The following DYM variants were observed in gnomAD, a reference collection of about 807,000 sequenced individuals.
DYM encodes dymeclin.
A neutral mutation model predicts 93.1 loss-of-function variants in DYM; 78 were observed. That is an observed-to-expected ratio of 0.84 (90% CI 0.70 to 1.01). DYM has a LOEUF of 1.01. Among genes scored for constraint, DYM ranks in the 50% least tolerant of loss-of-function variants. The pLI, the probability that DYM is intolerant of heterozygous loss-of-function variation, is 0.00. For missense variants in DYM, 789 were observed against 845.0 expected, an observed-to-expected ratio of 0.93 and a Z score of 0.82; for synonymous variants, 321 against 319.7, an observed-to-expected ratio of 1.00 and a Z score of -0.04.
chr18:49,321,064 C>T lies in DYM; in HGVS notation c.763+10800G>A, dbSNP rs1031990757. On this transcript the variant is annotated intron_variant, in intron 8 of 17. Coordinates refer to ENST00000675505, the MANE Select transcript of DYM (RefSeq NM_001353214.3). ...TGACTGGGATATAATTTAACAGTTT[C>T]AAAGCAAATAAGTTTTAACCACTTC... The T allele has an allele frequency of 4.8e-5, 12 of 251,982 alleles. No homozygotes were observed. The East Asian group carries it at 8.4e-4, about 18-fold the overall frequency. 15.6% of individuals were successfully genotyped at this position (251,982 alleles called of 1,614,324 possible).
intron 15 of DYM, among the ~76,000 whole-genome samples, chr18:49,131,873 A>G (rs918361814): frequency 3.3e-5 from 5 of 152,208 alleles, no homozygotes; most frequent in Non-Finnish European, 7.3e-5. Flanking sequence ...AGGACATACC[A>G]GAATGTGAAA....
chr18:49,443,944 T>C (rs2081890617), intron 1 of DYM, among the ~76,000 whole-genome samples: 1 of 152,200 alleles, frequency 6.6e-6, no homozygotes, highest in African/African-American at 2.4e-5. Context: ...ACAGTATGTA[T>C]GAAACAATTA....
At chr18:49,069,660 A>G (rs117380315) in intron 17 of DYM, among the ~76,000 whole-genome samples, 1 of 152,276 alleles carries the variant, frequency 6.6e-6, no homozygotes, top group Non-Finnish European at 1.5e-5. Context: ...GATTTTCATA[A>G]CTGTTAGTGT....
At chr18:49,292,591 GGAAAAAAAAAAA>G (rs2060215011) in intron 8 of DYM, among the ~76,000 whole-genome samples, 2 of 40,852 alleles carry the variant, frequency 4.9e-5, no homozygotes, top group South Asian at 1.6e-3. Context: ...TTTTCCTGTT[GGAAAAAAAAAAA>G]AAAAAAAAAA....
At chr18:49,262,179 G>A (rs1244798148) in intron 11 of DYM, among the ~76,000 whole-genome samples, 1 of 152,162 alleles carries the variant, frequency 6.6e-6, no homozygotes, top group Non-Finnish European at 1.5e-5. Flanking sequence ...GACACCTCCT[G>A]AGAGAAGGAT....
At chr18:49,302,782 C>G (rs1378070971) in intron 8 of DYM, among the ~76,000 whole-genome samples, 5 of 152,192 alleles carry the variant, frequency 3.3e-5, no homozygotes, top group South Asian at 4.1e-4. Context: ...ACTCACATAA[C>G]AGAATGCTAC....
chr18:49,455,019 A>C (rs935646051), intron 1 of DYM, among the ~76,000 whole-genome samples: 1 of 151,286 alleles, frequency 6.6e-6, no homozygotes, highest in Non-Finnish European at 1.5e-5. Context: ...CTTCTATTAG[A>C]CTTTCCACTC....
At chr18:49,072,613 G>A (rs1599528726) in intron 17 of DYM, among the ~76,000 whole-genome samples, 1 of 152,266 alleles carries the variant, frequency 6.6e-6, no homozygotes, top group African/African-American at 2.4e-5. Context: ...GGCAACGTGA[G>A]AAACCCTGTA....
intron 2 of DYM, among the ~76,000 whole-genome samples, chr18:49,394,666 G>A (rs1313203359): frequency 1.3e-5 from 2 of 151,918 alleles, no homozygotes; most frequent in East Asian, 1.9e-4. Context: ...CGTAACAAGG[G>A]ATATTCTTTG....
At chr18:49,441,135 A>AATATATTATATAATATAATATATATT in intron 1 of DYM, among the ~76,000 whole-genome samples, 1 of 2,688 alleles carries the variant, frequency 3.7e-4, no homozygotes, top group Non-Finnish European at 1.6e-3. Flanking sequence ...TATTTATATA[A>AATATATTATATAATATAATATATATT]ATATATTATA....
chr18:49,324,138 CAAAAAAAAAAAAAAAA>C (rs59640889), intron 8 of DYM, among the ~76,000 whole-genome samples: 10 of 54,442 alleles, frequency 1.8e-4, no homozygotes, highest in Admixed American at 5.8e-4. Flanking sequence ...GGCTCTGTCT[CAAAAAAAAAAAAAAAA>C]AAAAAAAAAA....
In DYM at chr18:49,433,602, G is replaced by A. The variant is rs568972855; in HGVS notation, c.-53-3155C>T. ...AGTTATAAATAAGGAAGTAGGGCCA[G>A]GTGTGGTATTATCCCAACATTTTGG... On this transcript the variant is annotated intron_variant, in intron 1 of 17. Coordinates refer to ENST00000675505, the MANE Select transcript of DYM (RefSeq NM_001353214.3). Among the ~76,000 whole-genome samples, 17 of 152,256 alleles carry A rather than the reference G, an allele frequency of 1.1e-4. No individual in the cohort carries two copies. The South Asian group carries it at 3.5e-3, about 32-fold the overall frequency.
At chr18:49,305,621 G>T (rs1289653180) in intron 8 of DYM, among the ~76,000 whole-genome samples, 2 of 151,990 alleles carry the variant, frequency 1.3e-5, no homozygotes, top group Non-Finnish European at 2.9e-5. Flanking sequence ...TCTCTGTTTT[G>T]AATAAAATGT....
chr18:49,136,106 G>C (rs1244120014), intron 15 of DYM, among the ~76,000 whole-genome samples: 2 of 152,242 alleles, frequency 1.3e-5, no homozygotes, highest in Non-Finnish European at 2.9e-5. Context: ...GGTTGCCATG[G>C]AAACTCCCTG....
intron 16 of DYM, among the ~76,000 whole-genome samples, chr18:49,112,888 T>C (rs2081553787): frequency 6.6e-6 from 1 of 152,144 alleles, no homozygotes; most frequent in Admixed American, 6.5e-5. Context: ...CATAGCTCAC[T>C]CTCTACCTGC....
chr18:49,289,774 CACAT>C (rs1424941824), intron 8 of DYM, among the ~76,000 whole-genome samples: 1 of 37,098 alleles, frequency 2.7e-5, no homozygotes, highest in African/African-American at 7.3e-5. Context: ...TATATATATA[CACAT>C]ATATATATAT....
rs549995443 is a variant in DYM, at chr18:49,101,337, T to C, written c.1912-3822A>G. 2.0e-5 allele frequency among the ~76,000 whole-genome samples: 3 copies of C among 152,300 alleles called. No homozygotes were observed. The East Asian group carries it at 5.8e-4, about 29-fold the overall frequency. On this transcript the variant is annotated intron_variant, in intron 16 of 17. Transcript: ENST00000675505. The stretch of plus-strand genomic sequence containing the variant: ...TTACAACCCTCCTCTACCTACAATA[T>C]TTGGCTGTAACTCATGAAATCCAAG...
chr18:49,449,968 T>G (rs1046629122), intron 1 of DYM, among the ~76,000 whole-genome samples: 2 of 152,134 alleles, frequency 1.3e-5, no homozygotes, highest in Admixed American at 1.3e-4. Context: ...GTATTTGAGA[T>G]CTCTAAAGTT....
intron 13 of DYM, among the ~76,000 whole-genome samples, chr18:49,248,943 T>C (rs1356487223): frequency 6.6e-6 from 1 of 152,188 alleles, no homozygotes; most frequent in African/African-American, 2.4e-5. Context: ...TTTGCTACTA[T>C]AACTTTAGGT....
Sources: allele counts gnomAD v4.1 joint callset (sites outside exome capture counted in the v4.1 genomes callset), GRCh38; gene constraint gnomAD v4.1.1; transcripts MANE v1.5; gene names NCBI Gene and HGNC (gene_info 2026-07-23, HGNC 2026-07-21).